The following BRAF variants were observed in gnomAD, a reference collection of about 807,000 sequenced individuals.
The protein encoded by BRAF is serine/threonine-protein kinase B-raf.
BRAF carries 16 observed loss-of-function variants against 104.6 expected under a neutral mutation model. The ratio of observed to expected loss-of-function variants is 0.15; its 90% confidence interval spans 0.10 to 0.23. BRAF has a LOEUF of 0.23. BRAF is among the 10% of genes least tolerant of loss of function. The pLI, the probability that BRAF is intolerant of heterozygous loss-of-function variation, is 1.00. For missense variants in BRAF, 541 were observed against 937.3 expected (o/e 0.58, Z 5.52); for synonymous variants, 310 against 341.6 (o/e 0.91, Z 1.02).
rs1279627804 is a variant in BRAF, at chr7:140,924,574, G to T, written c.130C>A (p.Pro44Thr). The part of the protein sequence containing the change: ...AASSAADPAI[P>T]EEVWNIKQMI... Reference sequence around the variant, plus strand: ...GTGGCGCCAGCACTCACCTCCTCCGGAATGGCAGGGTCCGCAGCCGAAGAG... The same window carrying T: ...GTGGCGCCAGCACTCACCTCCTCCGTAATGGCAGGGTCCGCAGCCGAAGAG... The change falls in exon 1 of 20, where the codon CCG becomes ACG. Residue 44 changes from proline (P) to threonine (T), a missense_variant. Coordinates refer to ENST00000644969, the MANE Select transcript of BRAF (RefSeq NM_001374258.1). This position sits in a 1 kb window ranked among gnomAD's most constrained non-coding sequence, Gnocchi z 4.2. The T allele has an allele frequency of 3.3e-6, 5 of 1,529,630 alleles. No individual in the cohort carries two copies. Among genetic ancestry groups the T allele is most frequent in the Non-Finnish European group, 4.4e-6 (5 of 1,144,150 alleles). 94.8% of individuals were successfully genotyped at this position (1,529,630 alleles called of 1,614,324 possible).
Position 140,845,807 on chromosome 7 carries a change from T to C in BRAF, c.240+4304A>G, listed in dbSNP as rs986547723. 4.6e-5 allele frequency among the ~76,000 whole-genome samples: 7 copies of C among 152,140 alleles called. 1 individual carries two copies. In the South Asian group the frequency reaches 1.5e-3, roughly 32 times the overall value. On this transcript the variant is annotated intron_variant, in intron 2 of 19. Transcript: ENST00000644969. ...ATTCTCCTGCCTCAGCCTCCTGAAT[T>C]GCTGGGATTACAGGTGCGCACCACT...
intron 1 of BRAF, among the ~76,000 whole-genome samples, chr7:140,892,845 TAC>T (rs1814405263): frequency 6.6e-6 from 1 of 152,284 alleles, no homozygotes; most frequent in East Asian, 1.9e-4. Context: ...TAAAAGCAGT[TAC>T]AGTTTGCTAG....
intron 15 of BRAF, chr7:140,753,779 C>T (rs1344174770): frequency 6.4e-6 from 2 of 310,758 alleles, no homozygotes; most frequent in African/African-American, 4.3e-5. Flanking sequence ...TCTTAGTCTG[C>T]ACTTAGGGAA....
intron 15 of BRAF, 54 bp downstream of exon 14, chr7:140,754,133 G>A (rs2128999421): frequency 3.3e-6 from 5 of 1,538,372 alleles, no homozygotes; most frequent in Non-Finnish European, 4.5e-6. Flanking sequence ...ACAAAATGCA[G>A]AAGAAAAAGT....
chr7:140,837,439 T>C (rs1277229733), intron 2 of BRAF, among the ~76,000 whole-genome samples: 2 of 152,210 alleles, frequency 1.3e-5, no homozygotes, highest in African/African-American at 4.8e-5. Flanking sequence ...GCCATTGTTG[T>C]CTTCCTTCAC....
At chr7:140,870,982 C>T (rs1297025695) in intron 1 of BRAF, among the ~76,000 whole-genome samples, 1 of 151,784 alleles carries the variant, frequency 6.6e-6, no homozygotes, top group African/African-American at 2.4e-5. Context: ...AATCCCAGCA[C>T]TTTGGGAGGC....
chr7:140,924,578 G>A lies in BRAF; in HGVS notation c.126C>T (p.Ala42=), dbSNP rs780279117. Residue 42 remains alanine, a synonymous_variant, in exon 1 of 20, where the codon GCC becomes GCT. Coordinates refer to ENST00000644969, the MANE Select transcript of BRAF (RefSeq NM_001374258.1). This position sits in a 1 kb window ranked among gnomAD's most constrained non-coding sequence, Gnocchi z 4.2. The part of the protein sequence containing the change: ...GAAASSAADP[A]IPEEVWNIKQ... ...CGCCAGCACTCACCTCCTCCGGAAT[G>A]GCAGGGTCCGCAGCCGAAGAGGCCG... 8.5e-6 allele frequency: 13 copies of A among 1,531,676 alleles called. No homozygotes were observed. The South Asian group carries it at 1.4e-4, about 17-fold the overall frequency. 94.9% of individuals were successfully genotyped at this position (1,531,676 alleles called of 1,614,324 possible).
chr7:140,753,899 T>C (rs929620943), intron 15 of BRAF: 9 of 476,514 alleles, frequency 1.9e-5, no homozygotes, highest in Non-Finnish European at 3.1e-5. Flanking sequence ...AATAGATAGC[T>C]ACAAAACTAT....
intron 5 of BRAF, among the ~76,000 whole-genome samples, chr7:140,806,800 G>A (rs1028714918): frequency 9.9e-5 from 15 of 152,078 alleles, no homozygotes; most frequent in Admixed American, 2.0e-4. Context: ...CCCAAAAAAT[G>A]CCTTACAGAA....
chr7:140,724,316 C>G lies in BRAF; in HGVS notation c.*2178G>C. The G allele has an allele frequency of 1.9e-6, 2 of 1,056,460 alleles. No homozygotes were observed. Among genetic ancestry groups the G allele is most frequent in the Non-Finnish European group, 2.3e-6 (2 of 873,768 alleles). 65.4% of individuals were successfully genotyped at this position (1,056,460 alleles called of 1,614,324 possible). The stretch of plus-strand genomic sequence containing the variant: ...GCCCAGGTCTCTCTACCTGCGGAAA[C>G]TTGAAGCCAATCTTGGTAAAGGGAA... On this transcript the variant is annotated 3_prime_UTR_variant, in exon 20 of 20. Transcript: ENST00000644969.
chr7:140,913,059 T>G (rs1817177464), intron 1 of BRAF, among the ~76,000 whole-genome samples: 1 of 152,190 alleles, frequency 6.6e-6, no homozygotes, highest in Non-Finnish European at 1.5e-5. Flanking sequence ...TGCCTCCTCC[T>G]CCTTTCTCAA....
chr7:140,880,484 C>T (rs536148284), intron 1 of BRAF, among the ~76,000 whole-genome samples: 3 of 152,296 alleles, frequency 2.0e-5, no homozygotes, highest in African/African-American at 7.2e-5. Context: ...GAACTTCTTC[C>T]AAACTCCTGT....
intron 18 of BRAF, among the ~76,000 whole-genome samples, chr7:140,736,451 G>C (rs577748491): frequency 6.7e-6 from 1 of 148,842 alleles, no homozygotes; most frequent in African/African-American, 2.5e-5. Flanking sequence ...TTTGGAGATG[G>C]AATTTCACTC....
chr7:140,723,477 T>C lies in BRAF; in HGVS notation c.*3017A>G. 9.5e-7 allele frequency: 1 copy of C among 1,054,168 alleles called. No individual in the cohort carries two copies. The highest frequency in any genetic ancestry group is 5.5e-5 in the Admixed American group (1 of 18,342). 65.3% of individuals were successfully genotyped at this position (1,054,168 alleles called of 1,614,324 possible). The stretch of plus-strand genomic sequence containing the variant: ...GGTGAGATATTCGGGAACCAGAATT[T>C]GACAGCTAGACAGAATCTTCTTTTA... On this transcript the variant is annotated 3_prime_UTR_variant, in exon 20 of 20. Transcript: ENST00000644969.
intron 14 of BRAF, among the ~76,000 whole-genome samples, chr7:140,768,358 G>C (rs1055392917): frequency 6.6e-6 from 1 of 152,214 alleles, no homozygotes; most frequent in Non-Finnish European, 1.5e-5. Context: ...TCCTGCTACA[G>C]TTTGAATATG....
chr7:140,739,794 C>T lies in BRAF; in HGVS notation c.2247+18G>A, dbSNP rs1407466509. 3 of 1,611,622 alleles carry T rather than the reference C, an allele frequency of 1.9e-6. No homozygotes were observed. Among genetic ancestry groups the T allele is most frequent in the Non-Finnish European group, 2.5e-6 (3 of 1,179,830 alleles). On this transcript the variant is annotated intron_variant, in intron 18 of 19. Coordinates refer to ENST00000644969, the MANE Select transcript of BRAF (RefSeq NM_001374258.1). ...AATGTTAGTCTGTTCTTTTGGATAG[C>T]ATGAAGCTTTTACTTACTTGGGGAA...
intron 12 of BRAF, chr7:140,779,978 C>T (rs1800706372): frequency 6.6e-6 from 1 of 152,042 alleles, no homozygotes; most frequent in Non-Finnish European, 1.5e-5. Context: ...GATACTCAAC[C>T]TGTATGTATA....
intron 1 of BRAF, among the ~76,000 whole-genome samples, chr7:140,896,863 C>CAA (rs766150256): frequency 0.24 from 8,846 of 36,478 alleles, 1,106 homozygotes; most frequent in African/African-American, 0.39. Flanking sequence ...GACTCCATCT[C>CAA]AAAAAAAAAA....
rs749988466 is a variant in BRAF at position 140,719,953 on chromosome 7, G to A, written c.*6541C>T. 37 of 1,061,980 alleles carry A rather than the reference G, an allele frequency of 3.5e-5. No homozygotes were observed. Among genetic ancestry groups the A allele is most frequent in the African/African-American group, 6.6e-5 (4 of 60,886 alleles). 65.8% of individuals were successfully genotyped at this position (1,061,980 alleles called of 1,614,324 possible). A position where few individuals can be genotyped will look rare whatever the true frequency, so the allele number is the denominator to read the frequency against. On this transcript the variant is annotated 3_prime_UTR_variant, in exon 20 of 20. Transcript: ENST00000644969. Reference sequence around the variant, plus strand: ...GGTTTGGAGTGGTGAAACAGGAACCGTGAATTCACTGCAGTTCAAACAGGA... The same window carrying A: ...GGTTTGGAGTGGTGAAACAGGAACCATGAATTCACTGCAGTTCAAACAGGA...
Sources: gnomAD v4.1 joint callset for allele counts (sites outside exome capture counted in the v4.1 genomes callset) on GRCh38, gnomAD v4.1.1 for gene constraint, Gnocchi (gnomAD v3.1) non-coding constraint, MANE v1.5 for transcripts, NCBI Gene and HGNC (gene_info 2026-07-23, HGNC 2026-07-21) for gene names.